Variants in CCS observed in about 807,000 individuals in gnomAD.
CCS encodes copper chaperone for superoxide dismutase, also known as superoxide dismutase copper chaperone.
A neutral mutation model predicts 35.5 loss-of-function variants in CCS; 32 were observed. The observed-to-expected ratio is 0.90, with a 90% CI of 0.68 to 1.21. CCS has a LOEUF of 1.21. Among genes scored for constraint, CCS ranks in the 50% most tolerant of loss-of-function variants. The pLI, the probability that CCS is intolerant of heterozygous loss-of-function variation, is 0.00. For synonymous variants in CCS, 130 were observed against 147.2 expected, an observed-to-expected ratio of 0.88 and a Z score of 0.84; for missense variants, 342 against 375.4, an observed-to-expected ratio of 0.91 and a Z score of 0.73.
chr11:66,599,384 C>T, intron 3 of CCS, 75 bp from the exon 4 acceptor site: 1 of 1,490,616 alleles, frequency 6.7e-7, no homozygotes, highest in Non-Finnish European at 9.0e-7. Flanking sequence ...TGTGAGACTC[C>T]CTGCCCTTCC....
At chr11:66,601,745 T>G (rs1858575296) in intron 5 of CCS, among the ~76,000 whole-genome samples, 1 of 152,062 alleles carries the variant, frequency 6.6e-6, no homozygotes, top group Non-Finnish European at 1.5e-5. Flanking sequence ...TTTTTTTTGT[T>G]TTTTTGGTGG....
Position 66,593,190 on chromosome 11 carries a change from C to A in CCS, c.-72C>A, listed in dbSNP as rs950332829. On this transcript the variant is annotated 5_prime_UTR_variant, in exon 1 of 8. Transcript: ENST00000533244. ...AAGGGTGGCTTTAGAGGCTCAGTCC[C>A]CGCGACGCCGCGCTGGTTGGTGCTC... is the stretch of plus-strand genomic sequence containing the variant. 6.6e-7 allele frequency: 1 copy of A among 1,523,848 alleles called. No homozygotes were observed. Among genetic ancestry groups the A allele is most frequent in the Non-Finnish European group, 8.9e-7 (1 of 1,126,008 alleles). 94.4% of individuals were successfully genotyped at this position (1,523,848 alleles called of 1,614,324 possible). A position where few individuals can be genotyped will look rare whatever the true frequency, so the allele number is the denominator to read the frequency against.
chr11:66,598,443 G>T (rs1047898766), intron 2 of CCS, among the ~76,000 whole-genome samples: 4 of 148,606 alleles, frequency 2.7e-5, no homozygotes, highest in African/African-American at 9.8e-5. Flanking sequence ...GAACCCGGGA[G>T]ATGGAGGTTT....
At chr11:66,595,135 A>G (rs60084486) in intron 2 of CCS, among the ~76,000 whole-genome samples, 7,622 of 152,238 alleles carry the variant, frequency 0.05, 321 homozygotes, top group East Asian at 0.12. Flanking sequence ...ATGGGGGATG[A>G]TAATAGAAGC....
rs575889585 is a variant in CCS at position 66,603,617 on chromosome 11, C to G, written c.490-1722C>G. 1.0e-3 allele frequency among the ~76,000 whole-genome samples: 152 copies of G among 152,234 alleles called. 1 individual carries two copies. Among genetic ancestry groups the G allele is most frequent in the African/African-American group, 3.3e-3 (139 of 41,536 alleles). On this transcript the variant is annotated intron_variant, in intron 5 of 7. Coordinates refer to ENST00000533244, the MANE Select transcript of CCS (RefSeq NM_005125.2). ...ATCCCAGCACTTTGGGAGGCCGAGG[C>G]GGGCAGATCACAAGGTCAGGAGATC...
At chr11:66,602,367 A>G (rs1858584700) in intron 5 of CCS, among the ~76,000 whole-genome samples, 1 of 152,200 alleles carries the variant, frequency 6.6e-6, no homozygotes, top group Non-Finnish European at 1.5e-5. Flanking sequence ...GCTGTTGGCC[A>G]GAGACATCAG....
At chr11:66,597,153 A>G (rs999852069) in intron 2 of CCS, among the ~76,000 whole-genome samples, 1 of 152,088 alleles carries the variant, frequency 6.6e-6, no homozygotes, top group Admixed American at 6.6e-5. Flanking sequence ...TTATGTGTGT[A>G]ATAGCTTTAT....
At chr11:66,603,568 C>T (rs573696848) in intron 5 of CCS, among the ~76,000 whole-genome samples, 5 of 152,134 alleles carry the variant, frequency 3.3e-5, no homozygotes, top group East Asian at 1.9e-4. Context: ...AAAGTTGGGC[C>T]GGGCACAGTG....
Position 66,605,340 on chromosome 11 carries a change from A to G in CCS, c.491A>G (p.His164Arg), listed in dbSNP as rs755199781. Residue 164 changes from histidine (H) to arginine (R), a missense_variant and splice_region_variant, in exon 6 of 8, where the codon CAC (histidine) becomes CGC (arginine). By Grantham distance (29) the His-to-Arg change is conservative. Coordinates refer to ENST00000533244, the MANE Select transcript of CCS (RefSeq NM_005125.2). The stretch of plus-strand genomic sequence containing the variant: ...TACACACACTGGATCTCATTCCAGC[A>G]CCGCGGAGACCTGGGCAATGTCCGT... ...SHGGPQDSDR[H>R]RGDLGNVRAD... 1.2e-6 allele frequency: 2 copies of G among 1,614,144 alleles called. No individual in the cohort carries two copies. Among genetic ancestry groups the G allele is most frequent in the Admixed American group, 1.7e-5 (1 of 60,016 alleles).
intron 2 of CCS, among the ~76,000 whole-genome samples, chr11:66,594,291 G>A (rs568697324): frequency 2.8e-4 from 43 of 152,212 alleles, no homozygotes; most frequent in African/African-American, 9.6e-4. Context: ...CCCGGGAGGC[G>A]GAGCTTGCAG....
intron 5 of CCS, among the ~76,000 whole-genome samples, chr11:66,602,903 C>T (rs575804506): frequency 6.6e-6 from 1 of 152,368 alleles, no homozygotes; most frequent in South Asian, 2.1e-4. Flanking sequence ...ATCTGCTTTT[C>T]CCAGGTGGAA....
intron 4 of CCS, chr11:66,600,007 C>A: frequency 4.9e-6 from 1 of 205,058 alleles, no homozygotes; most frequent in Non-Finnish European, 9.8e-6. Flanking sequence ...ATAATCCCAG[C>A]TACTAGGGAG....
chr11:66,605,206 G>C, intron 5 of CCS, 133 bp from the exon 6 acceptor site: 1 of 1,541,568 alleles, frequency 6.5e-7, no homozygotes, highest in East Asian at 2.5e-5. Flanking sequence ...CAGATCCTAC[G>C]AGACTGGTAC....
chr11:66,605,620 C>T (rs1388176918), intron 7 of CCS, 28 bp downstream of exon 7: 1 of 1,604,910 alleles, frequency 6.2e-7, no homozygotes, highest in Non-Finnish European at 8.5e-7. Context: ...CTGTAGGAGG[C>T]TGTGCTCTGC....
intron 2 of CCS, among the ~76,000 whole-genome samples, chr11:66,598,808 T>TA (rs919649477): frequency 1.0e-4 from 15 of 147,890 alleles, no homozygotes; most frequent in East Asian, 3.9e-4. Flanking sequence ...ATAGCCCACT[T>TA]AAAAAAAAAA....
At chr11:66,605,000 C>T (rs191500673) in intron 5 of CCS, among the ~76,000 whole-genome samples, 10 of 152,234 alleles carry the variant, frequency 6.6e-5, no homozygotes, top group African/African-American at 2.2e-4. Context: ...ATTGCCTCGC[C>T]GGAAAAACAG....
chr11:66,599,944 C>A (rs1858546192), intron 4 of CCS: 2 of 284,488 alleles, frequency 7.0e-6, no homozygotes, highest in Non-Finnish European at 6.7e-6. Flanking sequence ...GGTGAAACCC[C>A]ATCTCTACTA....
chr11:66,594,904 T>G (rs1858449301), intron 2 of CCS, among the ~76,000 whole-genome samples: 1 of 152,118 alleles, frequency 6.6e-6, no homozygotes, highest in Non-Finnish European at 1.5e-5. Context: ...GAAATGAGCA[T>G]GCAAGCGTTG....
In CCS at chr11:66,599,488, G is replaced by A; in HGVS notation, c.280G>A (p.Gly94Arg). The change falls in exon 4 of 8, where the codon GGG (glycine) becomes AGG (arginine). Residue 94 changes from glycine (G) to arginine (R), a missense_variant. Physicochemically the swap from Gly to Arg is moderately radical, Grantham distance 125 (BLOSUM62 -2). Transcript: ENST00000533244. ...TCTGGGGGCAGCAGTGGCCATCCTGGGGGGGCCTGGCACCGTGCAGGGGGT... is the reference window on the plus strand; with the variant it reads ...TCTGGGGGCAGCAGTGGCCATCCTGAGGGGGCCTGGCACCGTGCAGGGGGT... ...QNLGAAVAIL[G>R]GPGTVQGVVR... The A allele has an allele frequency of 6.5e-7, 1 of 1,549,864 alleles. No homozygotes were observed. The highest frequency in any genetic ancestry group is 2.3e-5 in the East Asian group (1 of 43,522).
Sources: gnomAD v4.1 joint callset for allele counts (sites outside exome capture counted in the v4.1 genomes callset) on GRCh38, gnomAD v4.1.1 for gene constraint, MANE v1.5 for transcripts, NCBI Gene and HGNC (gene_info 2026-07-23, HGNC 2026-07-21) for gene names.